GANC: variants seen among roughly 807,000 people sequenced by gnomAD.
The protein encoded by GANC is neutral alpha-glucosidase C.
A neutral mutation model predicts 124.2 loss-of-function variants in GANC; 117 were observed. That is an observed-to-expected ratio of 0.94 (90% CI 0.81 to 1.10). The LOEUF is 1.10. Among genes scored for constraint, GANC ranks in the 50% least tolerant of loss-of-function variants. GANC has a pLI of 0.00. For synonymous variants in GANC, 377 were observed against 376.8 expected (o/e 1.00, Z -0.01); for missense variants, 1,140 against 1,095.0 (o/e 1.04, Z -0.58).
At chr15:42,337,777 A>G (rs933428130) in intron 15 of GANC, among the ~76,000 whole-genome samples, 4 of 152,224 alleles carry the variant, frequency 2.6e-5, no homozygotes, top group Admixed American at 6.5e-5. Context: ...AGATACATGA[A>G]GAGGCTGGGC....
rs2141044897 is a variant in GANC at position 42,310,266 on chromosome 15, T to C, written c.723-17T>C. ...ATATATTTGTGATGGTAATTGATGA[T>C]AATCTTTGTGTTTCAGTGATGGAGA... On this transcript the variant is annotated splice_polypyrimidine_tract_variant and intron_variant, in intron 8 of 23. Coordinates refer to ENST00000318010, the MANE Select transcript of GANC (RefSeq NM_198141.3). The C allele has an allele frequency of 6.4e-7, 1 of 1,554,350 alleles. No homozygotes were observed. Among genetic ancestry groups the C allele is most frequent in the South Asian group, 1.2e-5 (1 of 83,938 alleles).
chr15:42,304,699 A>G (rs912693711), intron 6 of GANC, among the ~76,000 whole-genome samples: 1 of 152,234 alleles, frequency 6.6e-6, no homozygotes, highest in African/African-American at 2.4e-5. Flanking sequence ...TTATCACTCT[A>G]CCTGACTTCA....
intron 11 of GANC, 25 bp from the exon 12 acceptor site, chr15:42,326,273 C>T: frequency 1.3e-6 from 2 of 1,523,218 alleles, no homozygotes; most frequent in Non-Finnish European, 1.8e-6. Flanking sequence ...ACTGATGAGA[C>T]CTCCAAACCT....
chr15:42,281,146 T>A (rs1397749256), intron 3 of GANC: 4 of 701,846 alleles, frequency 5.7e-6, no homozygotes, highest in African/African-American at 5.3e-5. Context: ...ATTAGAAATA[T>A]CAGAACCACA....
intron 20 of GANC, 86 bp from the exon 21 acceptor site, chr15:42,348,017 A>T (rs1264218285): frequency 2.5e-6 from 2 of 808,588 alleles, no homozygotes; most frequent in Non-Finnish European, 3.7e-6. Context: ...TAGACTGTGA[A>T]TTTTATAAAA....
At position 42,278,366 on chromosome 15, in the gene GANC, C is replaced by T. The variant is rs1346188160; in HGVS notation, c.93-116C>T. The T allele has an allele frequency of 5.2e-5, 34 of 649,820 alleles. No homozygotes were observed. The East Asian group carries it at 8.9e-4, about 17-fold the overall frequency. The allele number at this position is 649,820 out of a possible 1,614,324, so 40.3% of individuals were successfully genotyped here. A position where few individuals can be genotyped will look rare whatever the true frequency, so the allele number is the denominator to read the frequency against. ...ATTATAGTACTAATACTGTTTGTGC[C>T]CTGAAATTCACTGAATATCATAGTG... On this transcript the variant is annotated intron_variant, in intron 2 of 23. Coordinates refer to ENST00000318010, the MANE Select transcript of GANC (RefSeq NM_198141.3).
chr15:42,351,433 G>T lies in GANC; in HGVS notation c.2635+1G>T, dbSNP rs1178561196. ...TCTTCTGTGACTACCCACTCATCTGGTGAGAAAGCAGTCCATTCTTACCTC... is the reference window on the plus strand; with the variant it reads ...TCTTCTGTGACTACCCACTCATCTGTTGAGAAAGCAGTCCATTCTTACCTC... On this transcript the variant is annotated splice_donor_variant, in intron 23 of 23. Coordinates refer to ENST00000318010, the MANE Select transcript of GANC (RefSeq NM_198141.3). LOFTEE classifies it high-confidence loss of function. 6.2e-7 allele frequency: 1 copy of T among 1,604,330 alleles called. No individual in the cohort carries two copies. Among genetic ancestry groups the T allele is most frequent in the South Asian group, 1.1e-5 (1 of 90,860 alleles).
chr15:42,326,440 A>T lies in GANC; in HGVS notation c.1420+16A>T. 1 of 1,613,776 alleles carries T rather than the reference A, an allele frequency of 6.2e-7. No homozygotes were observed. Among genetic ancestry groups the T allele is most frequent in the Non-Finnish European group, 8.5e-7 (1 of 1,179,786 alleles). On this transcript the variant is annotated intron_variant, in intron 12 of 23. Coordinates refer to ENST00000318010, the MANE Select transcript of GANC (RefSeq NM_198141.3). ...TGTTGGCCAGGTATGAAATCACTTT[A>T]TACACTTATTATTTCCACATGTTCT...
Position 42,300,991 on chromosome 15 carries a change from CTG to C in GANC, c.558+3336_558+3337del, listed in dbSNP as rs2051939821. ...CAAGATGATGCCATTGCACTCCAGCCTGGGCAACAAGAGTGAAACTCCATCTC... is the reference window on the plus strand; with the variant it reads ...CAAGATGATGCCATTGCACTCCAGCCGGCAACAAGAGTGAAACTCCATCTC... On this transcript the variant is annotated intron_variant, in intron 6 of 23. Transcript: ENST00000318010. Among the ~76,000 whole-genome samples, 4 of 147,818 alleles carry C rather than the reference CTG, an allele frequency of 2.7e-5. No individual in the cohort carries two copies. The South Asian group carries it at 8.6e-4, about 32-fold the overall frequency.
chr15:42,286,672 C>T (rs561607232), intron 3 of GANC, among the ~76,000 whole-genome samples: 35 of 152,314 alleles, frequency 2.3e-4, no homozygotes, highest in Non-Finnish European at 4.0e-4. Context: ...TTTAACTGCC[C>T]TGATTGCTTC....
intron 18 of GANC, among the ~76,000 whole-genome samples, chr15:42,342,617 T>C (rs1233241320): frequency 3.3e-5 from 5 of 150,162 alleles, no homozygotes; most frequent in African/African-American, 9.8e-5. Context: ...AAAAGAAAAC[T>C]GCAGCCTCTC....
chr15:42,301,972 C>T (rs567338066), intron 6 of GANC, among the ~76,000 whole-genome samples: 3 of 152,330 alleles, frequency 2.0e-5, no homozygotes, highest in Non-Finnish European at 2.9e-5. Context: ...AAGAGAGCAG[C>T]GGGTCTCCCA....
intron 10 of GANC, chr15:42,314,315 G>T: frequency 1.7e-6 from 1 of 592,538 alleles, no homozygotes; most frequent in South Asian, 2.0e-5. Flanking sequence ...GGGTTTTGCT[G>T]CTGTCTCATC....
In GANC at chr15:42,342,047, T is replaced by G. The variant is rs888683174; in HGVS notation, c.2153-1031T>G. Among the ~76,000 whole-genome samples the G allele has an allele frequency of 4.8e-4, 73 of 152,336 alleles. 1 individual carries two copies. The highest frequency in any genetic ancestry group is 1.6e-3 in the African/African-American group (66 of 41,566). The stretch of plus-strand genomic sequence containing the variant: ...AATTTGGTCTCTTTTGGTATTTGTC[T>G]TAATTCTAATTAATTTGTAATTATT... On this transcript the variant is annotated intron_variant, in intron 18 of 23. Transcript: ENST00000318010.
chr15:42,284,332 CA>C, intron 3 of GANC: 1 of 265,364 alleles, frequency 3.8e-6, no homozygotes, highest in Non-Finnish European at 7.1e-6. Context: ...AAGACATAGA[CA>C]AAGCTATTTC....
At position 42,338,494 on chromosome 15, in the gene GANC, A is replaced by G; in HGVS notation, c.1843+4A>G. 6.3e-7 allele frequency: 1 copy of G among 1,596,298 alleles called. No homozygotes were observed. The highest frequency in any genetic ancestry group is 1.3e-5 in the African/African-American group (1 of 74,720). On this transcript the variant is annotated splice_donor_region_variant and intron_variant, in intron 16 of 23. Coordinates refer to ENST00000318010, the MANE Select transcript of GANC (RefSeq NM_198141.3). Reference sequence around the variant, plus strand: ...ACTGGGATCTCTTTTTGCGGAGGTAAGATGAGTCCTTTGAGGCTTGAAGTG... The same window carrying G: ...ACTGGGATCTCTTTTTGCGGAGGTAGGATGAGTCCTTTGAGGCTTGAAGTG...
At position 42,353,461 on chromosome 15, in the gene GANC, A is replaced by C; in HGVS notation, c.*1322A>C. 1 of 927,182 alleles carries C rather than the reference A, an allele frequency of 1.1e-6. No individual in the cohort carries two copies. Among genetic ancestry groups the C allele is most frequent in the Non-Finnish European group, 1.3e-6 (1 of 777,182 alleles). 57.4% of individuals were successfully genotyped at this position (927,182 alleles called of 1,614,324 possible). On this transcript the variant is annotated 3_prime_UTR_variant, in exon 24 of 24. Transcript: ENST00000318010. Reference sequence around the variant, plus strand: ...TTCCCCGTAATGCTGTCCCACTTATAACTGTGCTCTACTTAGCATTCTCAG... The same window carrying C: ...TTCCCCGTAATGCTGTCCCACTTATCACTGTGCTCTACTTAGCATTCTCAG...
intron 10 of GANC, among the ~76,000 whole-genome samples, chr15:42,315,882 G>C (rs533953040): frequency 5.6e-4 from 85 of 151,954 alleles, no homozygotes; most frequent in African/African-American, 2.0e-3. Context: ...CTCCTCCCTG[G>C]TTTTCTAGTA....
At chr15:42,277,590 C>CATTTT (rs1211870006) in intron 2 of GANC, among the ~76,000 whole-genome samples, 2 of 151,696 alleles carry the variant, frequency 1.3e-5, no homozygotes, top group Non-Finnish European at 2.9e-5. Flanking sequence ...TTAAAATCTT[C>CATTTT]ATTTTATTTT....
Sources: gnomAD v4.1 joint callset for allele counts (sites outside exome capture counted in the v4.1 genomes callset) on GRCh38, gnomAD v4.1.1 for gene constraint, MANE v1.5 for transcripts, NCBI Gene and HGNC (gene_info 2026-07-23, HGNC 2026-07-21) for gene names.